Variants in TET2 observed in about 807,000 individuals in gnomAD.
TET2 encodes tet methylcytosine dioxygenase 2, also known as methylcytosine dioxygenase TET2.
A neutral mutation model predicts 142.9 loss-of-function variants in TET2; 299 were observed. The ratio of observed to expected loss-of-function variants is 2.09; its 90% CI spans 1.90 to 2.30. The LOEUF is 2.30. Among genes scored for constraint, TET2 ranks in the 30% most tolerant of loss-of-function variants. The probability of loss-of-function intolerance (pLI) is 0.00; values close to 1 mark genes in which losing one functional copy is unlikely to be tolerated. For synonymous variants in TET2, 819 were observed against 849.0 expected (o/e 0.96, Z 0.61); for missense variants, 2,418 against 2,378.0 (o/e 1.02, Z -0.35).
intron 6 of TET2, among the ~76,000 whole-genome samples, chr4:105,244,231 A>T (rs1729464336): frequency 6.6e-6 from 1 of 152,244 alleles, no homozygotes. Flanking sequence ...TACAAAGCCT[A>T]GAAGTTCTGT....
Position 105,179,145 on chromosome 4 carries a change from TGGAGATTATG to T in TET2, c.-192-11212_-192-11203del, listed in dbSNP as rs1308944461. Reference sequence around the variant, plus strand: ...TCTCTGCCTTGACACATGGGTATTATGGAGATTATGGGGATTATAATTCAAGATGAGATTT... The same window carrying T: ...TCTCTGCCTTGACACATGGGTATTATGGGATTATAATTCAAGATGAGATTT... On this transcript the variant is annotated intron_variant, in intron 1 of 10. Coordinates refer to ENST00000380013, the MANE Select transcript of TET2 (RefSeq NM_001127208.3). 5.3e-5 allele frequency among the ~76,000 whole-genome samples: 8 copies of T among 152,290 alleles called. No individual in the cohort carries two copies. In the South Asian group the frequency reaches 1.7e-3, roughly 32 times the overall value.
chr4:105,176,888 A>G (rs1330298966), intron 1 of TET2, among the ~76,000 whole-genome samples: 1 of 152,216 alleles, frequency 6.6e-6, no homozygotes, highest in Non-Finnish European at 1.5e-5. Context: ...CAGATAATCA[A>G]TGTAGTGGGT....
Position 105,237,604 on chromosome 4 carries a change from T to C in TET2, c.3409+253T>C, listed in dbSNP as rs372410982. On this transcript the variant is annotated intron_variant, in intron 3 of 10. Transcript: ENST00000380013. ...ATGTTTATTTTTCCCTCTCTTCAGA[T>C]CCTGTAAAATTTGAATGTATCTGTT... The C allele has an allele frequency of 8.4e-5, 122 of 1,458,828 alleles. No individual in the cohort carries two copies. In the African/African-American group the frequency reaches 1.3e-3, roughly 16 times the overall value. The allele number at this position is 1,458,828 out of a possible 1,614,324, so 90.4% of individuals were successfully genotyped here.
intron 1 of TET2, among the ~76,000 whole-genome samples, chr4:105,149,537 A>G (rs1723202448): frequency 1.3e-5 from 2 of 152,214 alleles, no homozygotes; most frequent in African/African-American, 4.8e-5. Flanking sequence ...TTTACCATAT[A>G]TGTGATCATA....
chr4:105,148,289 CCTT>C (rs1437521376), intron 1 of TET2, among the ~76,000 whole-genome samples: 1 of 152,122 alleles, frequency 6.6e-6, no homozygotes, highest in African/African-American at 2.4e-5. Flanking sequence ...GGGAGTTCTC[CCTT>C]CTTCATCTAA....
chr4:105,157,399 G>GATT, intron 1 of TET2, among the ~76,000 whole-genome samples: 1 of 152,088 alleles, frequency 6.6e-6, no homozygotes, highest in East Asian at 1.9e-4. Context: ...TTGTTTTATA[G>GATT]ATTTTATCTT....
chr4:105,177,402 A>G (rs1724862460), intron 1 of TET2, among the ~76,000 whole-genome samples: 1 of 152,258 alleles, frequency 6.6e-6, no homozygotes, highest in Admixed American at 6.5e-5. Context: ...ATTGTTCACA[A>G]TGTGCAAACA....
intron 2 of TET2, among the ~76,000 whole-genome samples, chr4:105,200,340 C>A (rs1371472114): frequency 6.6e-6 from 1 of 152,148 alleles, no homozygotes; most frequent in Non-Finnish European, 1.5e-5. Flanking sequence ...TGTATGTCTT[C>A]TTTTGTAAAG....
At chr4:105,200,318 T>G (rs1726376523) in intron 2 of TET2, among the ~76,000 whole-genome samples, 1 of 152,170 alleles carries the variant, frequency 6.6e-6, no homozygotes, top group African/African-American at 2.4e-5. Flanking sequence ...TTTCATATGT[T>G]TGTTGGCCGC....
At chr4:105,258,176 T>G (rs1730236563) in intron 6 of TET2, among the ~76,000 whole-genome samples, 1 of 152,198 alleles carries the variant, frequency 6.6e-6, no homozygotes, top group South Asian at 2.1e-4. Flanking sequence ...CCTATATTGC[T>G]GCAAGCTTTT....
chr4:105,242,020 G>C, intron 4 of TET2: 1 of 1,239,750 alleles, frequency 8.1e-7, no homozygotes, highest in South Asian at 4.3e-5. Context: ...TTATGAGCGA[G>C]ATAATGCAGA....
intron 2 of TET2, among the ~76,000 whole-genome samples, chr4:105,231,955 G>C (rs1009932808): frequency 1.3e-5 from 2 of 152,102 alleles, no homozygotes; most frequent in African/African-American, 4.8e-5. Context: ...TTGGGGGTTT[G>C]GTGTACAGAC....
intron 8 of TET2, among the ~76,000 whole-genome samples, chr4:105,265,020 C>T (rs1027640517): frequency 2.0e-5 from 3 of 152,180 alleles, no homozygotes; most frequent in South Asian, 2.1e-4. Context: ...GTCCTTTCTT[C>T]GTGTCTATCC....
At chr4:105,223,318 A>G (rs1578649733) in intron 2 of TET2, among the ~76,000 whole-genome samples, 2 of 152,106 alleles carry the variant, frequency 1.3e-5, no homozygotes, top group Non-Finnish European at 2.9e-5. Flanking sequence ...GTTGAAAAAT[A>G]TATGTTTTGG....
chr4:105,243,414 C>T (rs1729409850), intron 5 of TET2, among the ~76,000 whole-genome samples, 156 bp from the exon 6 acceptor site: 1 of 152,046 alleles, frequency 6.6e-6, no homozygotes, highest in South Asian at 2.1e-4. Context: ...AGATGGGCAG[C>T]AAAAGGCACA....
In TET2 at chr4:105,276,476, A is replaced by G; in HGVS notation, c.5966A>G (p.Tyr1989Cys). The G allele has an allele frequency of 6.4e-7, 1 of 1,551,674 alleles. No homozygotes were observed. Among genetic ancestry groups the G allele is most frequent in the Non-Finnish European group, 8.7e-7 (1 of 1,146,998 alleles). ...TTDSTVTTSP[Y>C]AFTRVTGPYN... ...GACTCCACAGTAACTACATCTCCAT[A>G]TGCCTTCACTCGGGTCACAGGGCCT... Residue 1989 changes from tyrosine to cysteine, a missense_variant, in exon 11 of 11, where the codon TAT becomes TGT. Tyr to Cys is a radical substitution (Grantham distance 194). Coordinates refer to ENST00000380013, the MANE Select transcript of TET2 (RefSeq NM_001127208.3).
intron 2 of TET2, among the ~76,000 whole-genome samples, chr4:105,219,319 C>T (rs1423204385): frequency 6.6e-6 from 1 of 152,050 alleles, no homozygotes. Flanking sequence ...GTTATGGTAA[C>T]CAGTTGATTA....
chr4:105,169,924 C>T (rs1370460386), intron 1 of TET2, among the ~76,000 whole-genome samples: 1 of 135,842 alleles, frequency 7.4e-6, no homozygotes, highest in Non-Finnish European at 1.5e-5. Flanking sequence ...GGTTCTCTAT[C>T]CCCCCATTGG....
chr4:105,180,641 C>CT (rs1294242543), intron 1 of TET2, among the ~76,000 whole-genome samples: 3 of 138,314 alleles, frequency 2.2e-5, no homozygotes, highest in African/African-American at 8.2e-5. Flanking sequence ...GCCATTTTAT[C>CT]ATTTTTTTTT....
Sources: allele counts gnomAD v4.1 joint callset (sites outside exome capture counted in the v4.1 genomes callset), GRCh38; gene constraint gnomAD v4.1.1; transcripts MANE v1.5; gene names NCBI Gene and HGNC (gene_info 2026-07-23, HGNC 2026-07-21).